PKHD1L1: variants seen among roughly 807,000 people sequenced by gnomAD.
PKHD1L1 encodes the protein fibrocystin-L.
A neutral mutation model predicts 462.9 loss-of-function variants in PKHD1L1; 434 were observed. That is an observed-to-expected ratio of 0.94 (90% CI 0.87 to 1.02). The LOEUF is 1.02. Among genes scored for constraint, PKHD1L1 ranks in the 50% least tolerant of loss-of-function variants. The pLI, the probability that PKHD1L1 is intolerant of heterozygous loss-of-function variation, is 0.00. For missense variants in PKHD1L1, 5,202 were observed against 5,096.1 expected (o/e 1.02, Z -0.63); for synonymous variants, 1,781 against 1,750.0 (o/e 1.02, Z -0.44).
chr8:109,388,617 G>C (rs1586410096), intron 7 of PKHD1L1, 67 bp downstream of exon 7: 1 of 1,088,540 alleles, frequency 9.2e-7, no homozygotes, highest in East Asian at 2.6e-5. Context: ...AATTTAAATA[G>C]TAATTGCTAC....
In PKHD1L1 at chr8:109,398,467, T is replaced by G. The variant is rs1311372612; in HGVS notation, c.931T>G (p.Cys311Gly). 1 of 1,551,266 alleles carries G rather than the reference T, an allele frequency of 6.4e-7. No homozygotes were observed. Among genetic ancestry groups the G allele is most frequent in the Non-Finnish European group, 8.8e-7 (1 of 1,141,164 alleles). Residue 311 changes from cysteine to glycine, a missense_variant, in exon 12 of 78, where the codon TGT becomes GGT. Physicochemically the swap from Cys to Gly is radical, Grantham distance 159. Transcript: ENST00000378402. ...ATCTTGCTTCTCTATAGGTGAACCT[T>G]GTGATATTTTGAATGTCACAGAAAA... ...PVRVLVGGEP[C>G]DILNVTENSI...
chr8:109,509,757 T>C (rs868315342), intron 70 of PKHD1L1, among the ~76,000 whole-genome samples: 4 of 152,024 alleles, frequency 2.6e-5, no homozygotes, highest in South Asian at 4.1e-4. Flanking sequence ...ATATTTTGTA[T>C]GCTAAGGAAA....
In PKHD1L1 at chr8:109,504,318, A is replaced by G. The variant is rs750484842; in HGVS notation, c.10829-9A>G. 2.9e-6 allele frequency: 4 copies of G among 1,384,628 alleles called. No homozygotes were observed. The South Asian group carries it at 4.4e-5, about 15-fold the overall frequency. The allele number at this position is 1,384,628 out of a possible 1,614,324, so 85.8% of individuals were successfully genotyped here. A position where few individuals can be genotyped will look rare whatever the true frequency, so the allele number is the denominator to read the frequency against. ...GAAAATAATCACTTATCTATTATTT[A>G]TGTTTTAGGTTCAACATTTGTTGGA... On this transcript the variant is annotated splice_polypyrimidine_tract_variant and intron_variant, in intron 67 of 77. Transcript: ENST00000378402.
At chr8:109,420,759 A>G in intron 23 of PKHD1L1, 69 bp downstream of exon 23, 2 of 1,160,238 alleles carry the variant, frequency 1.7e-6, no homozygotes, top group Admixed American at 5.6e-5. Context: ...AATAACCAAC[A>G]TACAGATGGA....
At position 109,401,595 on chromosome 8, in the gene PKHD1L1, C is replaced by A; in HGVS notation, c.1373+7C>A. The stretch of plus-strand genomic sequence containing the variant: ...ATCTGCAGAAAGGAAAAGAGTAAGG[C>A]TTTTTCCTGTCATTAAATTACTGTG... On this transcript the variant is annotated splice_region_variant and intron_variant, in intron 14 of 77. Transcript: ENST00000378402. The A allele has an allele frequency of 6.8e-7, 1 of 1,464,476 alleles. No homozygotes were observed. The highest frequency in any genetic ancestry group is 9.5e-7 in the Non-Finnish European group (1 of 1,051,498). 90.7% of individuals were successfully genotyped at this position (1,464,476 alleles called of 1,614,324 possible).
In PKHD1L1 at chr8:109,510,783, A is replaced by C. The variant is rs1421492044; in HGVS notation, c.11402A>C (p.Gln3801Pro). The change falls in exon 71 of 78, where the codon CAG (glutamine) becomes CCG (proline). Residue 3801 changes from glutamine (Q) to proline (P), a missense_variant. Physicochemically the swap from Gln to Pro is moderately conservative, Grantham distance 76. This residue lies in a region of PKHD1L1 where 698 missense variants were observed against 736.3 expected (regional missense o/e 0.95). Coordinates refer to ENST00000378402, the MANE Select transcript of PKHD1L1 (RefSeq NM_177531.6). The part of the protein sequence containing the change: ...NGYVDLINGP[Q>P]DHGWCAGYTC... ...TCATTTTGCATGGATTTAGGCCCAC[A>C]GGATCATGGCTGGTGTGCTGGATAT... 11 of 1,612,408 alleles carry C rather than the reference A, an allele frequency of 6.8e-6. No individual in the cohort carries two copies. The African/African-American group carries it at 1.3e-4, about 20-fold the overall frequency.
chr8:109,395,443 C>A (rs973222606), intron 10 of PKHD1L1, among the ~76,000 whole-genome samples: 1 of 152,128 alleles, frequency 6.6e-6, no homozygotes, highest in Non-Finnish European at 1.5e-5. Flanking sequence ...TTTTGTGAAT[C>A]AATCAAATGT....
chr8:109,441,873 T>A (rs1447323951), intron 34 of PKHD1L1, 134 bp from the exon 35 acceptor site: 3 of 625,360 alleles, frequency 4.8e-6, no homozygotes, highest in Non-Finnish European at 7.2e-6. Context: ...GTGCTTAAAT[T>A]ATGTAAGTAA....
intron 28 of PKHD1L1, among the ~76,000 whole-genome samples, 191 bp from the exon 29 acceptor site, chr8:109,434,999 A>C (rs570115382): frequency 6.6e-6 from 1 of 152,220 alleles, no homozygotes; most frequent in East Asian, 1.9e-4. Flanking sequence ...TGTCTGATTC[A>C]TAGCCTCAGG....
intron 67 of PKHD1L1, among the ~76,000 whole-genome samples, chr8:109,499,650 C>A (rs1819301322): frequency 6.6e-6 from 1 of 152,084 alleles, no homozygotes. Flanking sequence ...ACATTAATAA[C>A]TATTATTCTT....
rs1756988093 is a variant in PKHD1L1, at chr8:109,388,621, T to C, written c.623+71T>C. The stretch of plus-strand genomic sequence containing the variant: ...TAAGCATACTAAATTTAAATAGTAA[T>C]TGCTACCAATACTGCATAGCTAAAT... On this transcript the variant is annotated intron_variant, in intron 7 of 77. Transcript: ENST00000378402. 5.0e-6 allele frequency: 5 copies of C among 1,008,132 alleles called. No individual in the cohort carries two copies. The South Asian group carries it at 5.8e-5, about 12-fold the overall frequency. 62.4% of individuals were successfully genotyped at this position (1,008,132 alleles called of 1,614,324 possible).
intron 18 of PKHD1L1, among the ~76,000 whole-genome samples, chr8:109,409,253 A>C (rs1813714412): frequency 1.3e-5 from 2 of 150,658 alleles, no homozygotes; most frequent in Non-Finnish European, 1.5e-5. Flanking sequence ...TATGCATGTA[A>C]CCTTTTTTTT....
rs1813439801 is a variant in PKHD1L1, at chr8:109,404,670, A to C, written c.1490A>C (p.Glu497Ala). 6.2e-7 allele frequency: 1 copy of C among 1,608,436 alleles called. No individual in the cohort carries two copies. Reference sequence around the variant, plus strand: ...CAAACAGGAGATGCAGTGAATGAAGAACAAGTTATCAAATCCCAGTCGACA... The same window carrying C: ...CAAACAGGAGATGCAGTGAATGAAGCACAAGTTATCAAATCCCAGTCGACA... The part of the protein sequence containing the change: ...EQQTGDAVNE[E>A]QVIKSQSTIL... Residue 497 changes from glutamate (E) to alanine (A), a missense_variant, in exon 15 of 78, where the codon GAA becomes GCA. Around this residue, in one of 3 missense-constraint regions of PKHD1L1, gnomAD observed 4,497 missense variants for 4,336.8 expected, o/e 1.04. Transcript: ENST00000378402.
intron 57 of PKHD1L1, among the ~76,000 whole-genome samples, chr8:109,484,550 T>C (rs1419107427): frequency 6.6e-6 from 1 of 151,940 alleles, no homozygotes. Context: ...CAAGGGTACA[T>C]CTGAGCAGAG....
At chr8:109,450,066 A>C (rs1816397108) in intron 40 of PKHD1L1, among the ~76,000 whole-genome samples, 1 of 152,182 alleles carries the variant, frequency 6.6e-6, no homozygotes, top group Admixed American at 6.5e-5. Context: ...GTTAATGGTT[A>C]AGAGCCTGGG....
intron 24 of PKHD1L1, 62 bp downstream of exon 24, chr8:109,425,294 G>C (rs769355345): frequency 1.5e-6 from 2 of 1,309,458 alleles, no homozygotes; most frequent in Non-Finnish European, 2.0e-6. Context: ...ACCTTATAAA[G>C]TGTTAAATTT....
intron 62 of PKHD1L1, among the ~76,000 whole-genome samples, chr8:109,492,640 A>G (rs920420745): frequency 2.6e-5 from 4 of 151,938 alleles, no homozygotes; most frequent in South Asian, 2.1e-4. Flanking sequence ...TTATGAGGTT[A>G]AAAATATTCT....
At chr8:109,481,688 A>G (rs1371337638) in intron 56 of PKHD1L1, 126 bp downstream of exon 56, 12 of 884,598 alleles carry the variant, frequency 1.4e-5, no homozygotes, top group Non-Finnish European at 1.8e-5. Flanking sequence ...TTCTGATACA[A>G]AAGTATCAGA....
At chr8:109,508,070 C>A in intron 69 of PKHD1L1, 27 bp from the exon 70 acceptor site, 1 of 1,560,850 alleles carries the variant, frequency 6.4e-7, no homozygotes, top group South Asian at 1.2e-5. Flanking sequence ...TGTATTATTG[C>A]TAAAATATAT....
Sources: allele counts gnomAD v4.1 joint callset (sites outside exome capture counted in the v4.1 genomes callset), GRCh38; gene constraint gnomAD v4.1.1; regional missense constraint gnomAD v4.1.1; transcripts MANE v1.5; gene names NCBI Gene and HGNC (gene_info 2026-07-23, HGNC 2026-07-21).